Variants in RBM6 observed in about 807,000 individuals in gnomAD.
RBM6 encodes RNA binding motif protein 6, also known as RNA-binding protein 6.
RBM6 carries 23 observed loss-of-function variants against 140.4 expected under a neutral mutation model. The observed-to-expected ratio is 0.16, with a 90% CI of 0.12 to 0.23. The LOEUF is 0.23. Ranked by LOEUF, RBM6 falls within the 10% of genes least tolerant of loss-of-function variation. The pLI, the probability that RBM6 is intolerant of heterozygous loss-of-function variation, is 1.00. For missense variants in RBM6, 1,139 were observed against 1,386.7 expected, an observed-to-expected ratio of 0.82 and a Z score of 2.84; for synonymous variants, 439 against 475.6, an observed-to-expected ratio of 0.92 and a Z score of 1.00.
chr3:50,067,762 C>T (rs1244872367), intron 17 of RBM6, among the ~76,000 whole-genome samples: 1 of 152,214 alleles, frequency 6.6e-6, no homozygotes, highest in African/African-American at 2.4e-5. Context: ...TTTCACACCC[C>T]TTCTCTAGTA....
At chr3:49,957,785 C>T (rs1575543946) in intron 1 of RBM6, among the ~76,000 whole-genome samples, 2 of 150,944 alleles carry the variant, frequency 1.3e-5, no homozygotes, top group Non-Finnish European at 2.9e-5. Context: ...TGCAATAATG[C>T]TAGTTTTTAC....
At chr3:50,062,892 CTT>C (rs36101209) in intron 15 of RBM6, among the ~76,000 whole-genome samples, 79 of 128,440 alleles carry the variant, frequency 6.2e-4, no homozygotes, top group South Asian at 7.9e-4. Flanking sequence ...TTTCTTTTTC[CTT>C]TTTTTTTTTT....
At chr3:50,067,663 G>A (rs1325083081) in intron 17 of RBM6, among the ~76,000 whole-genome samples, 2 of 152,180 alleles carry the variant, frequency 1.3e-5, no homozygotes, top group African/African-American at 4.8e-5. Flanking sequence ...GTCTTCCCCT[G>A]TAGTATTCCC....
intron 3 of RBM6, among the ~76,000 whole-genome samples, chr3:49,970,641 A>G (rs1253875932): frequency 6.6e-6 from 1 of 152,194 alleles, no homozygotes; most frequent in Non-Finnish European, 1.5e-5. Flanking sequence ...AAACTTCTTG[A>G]ATATATGATT....
intron 6 of RBM6, among the ~76,000 whole-genome samples, chr3:50,010,799 A>G (rs972896169): frequency 1.4e-5 from 2 of 137,968 alleles, no homozygotes; most frequent in Non-Finnish European, 3.1e-5. Flanking sequence ...GCTACTCGGG[A>G]GGCTGAGGCA....
intron 6 of RBM6, among the ~76,000 whole-genome samples, chr3:50,021,797 G>T (rs2087504098): frequency 9.6e-6 from 1 of 103,764 alleles, no homozygotes. Context: ...TTGTTGCCCA[G>T]GCTGGAGTGT....
chr3:49,946,112 GAAT>G (rs1429811886), intron 1 of RBM6, among the ~76,000 whole-genome samples: 1 of 152,084 alleles, frequency 6.6e-6, no homozygotes, highest in Non-Finnish European at 1.5e-5. Flanking sequence ...AGAGCTGTGA[GAAT>G]AATTTCTGTG....
chr3:49,995,416 C>T (rs936197742), intron 5 of RBM6, among the ~76,000 whole-genome samples: 21 of 151,780 alleles, frequency 1.4e-4, no homozygotes, highest in African/African-American at 4.4e-4. Flanking sequence ...ATTAGCCGGG[C>T]GTGGTAGTCC....
intron 6 of RBM6, among the ~76,000 whole-genome samples, chr3:50,005,773 A>G (rs1292624213): frequency 6.6e-6 from 1 of 152,334 alleles, no homozygotes; most frequent in East Asian, 1.9e-4. Flanking sequence ...CCAGAGCTCA[A>G]CTGTATAACT....
chr3:50,019,406 T>G (rs1193604718), intron 6 of RBM6, among the ~76,000 whole-genome samples: 2 of 152,206 alleles, frequency 1.3e-5, no homozygotes, highest in East Asian at 3.9e-4. Flanking sequence ...TCCATATACC[T>G]TTTATGTCCT....
intron 2 of RBM6, among the ~76,000 whole-genome samples, chr3:49,965,539 G>A (rs2084469135): frequency 6.6e-6 from 1 of 152,142 alleles, no homozygotes; most frequent in Non-Finnish European, 1.5e-5. Context: ...GCGTGGTAGC[G>A]GGCGCCTGTA....
At chr3:49,964,463 G>C (rs1344376844) in intron 2 of RBM6, among the ~76,000 whole-genome samples, 10 of 152,156 alleles carry the variant, frequency 6.6e-5, no homozygotes, top group Non-Finnish European at 1.5e-5. Flanking sequence ...GCAAACTACA[G>C]CTGATAGCCT....
rs371621436 is a variant in RBM6 at position 49,943,821 on chromosome 3, G to A, written c.-67+3596G>A. Among the ~76,000 whole-genome samples, 21 of 152,148 alleles carry A rather than the reference G, an allele frequency of 1.4e-4. No homozygotes were observed. In the East Asian group the frequency reaches 2.3e-3, roughly 17 times the overall value. On this transcript the variant is annotated intron_variant, in intron 1 of 20. Coordinates refer to ENST00000266022, the MANE Select transcript of RBM6 (RefSeq NM_005777.3). ...TACTGTTTTCCTCAATGGCTGCATC[G>A]TTTTACATTCCCACCAGTAATACAC... is the stretch of plus-strand genomic sequence containing the variant.
chr3:50,077,112 T>A lies in RBM6; in HGVS notation c.3351T>A (p.Ala1117=), dbSNP rs2090487021. 6.2e-7 allele frequency: 1 copy of A among 1,612,648 alleles called. No individual in the cohort carries two copies. ...YRDAVRRVMF[A]RYKELD is the part of the protein sequence containing the mutation. ...ATGCTGTTCGAAGAGTCATGTTTGC[T>A]CGATATAAAGAACTCGATTAAGAAA... Residue 1117 remains alanine, a synonymous_variant, in exon 21 of 21, where the codon GCT becomes GCA. Coordinates refer to ENST00000266022, the MANE Select transcript of RBM6 (RefSeq NM_005777.3).
chr3:49,985,742 G>T (rs992948243), intron 5 of RBM6, among the ~76,000 whole-genome samples: 2 of 151,862 alleles, frequency 1.3e-5, no homozygotes, highest in African/African-American at 2.4e-5. Context: ...GAGTAGCTGG[G>T]ACTACAGGCG....
Position 50,058,392 on chromosome 3 carries a change from GT to G in RBM6, c.1970-8del, listed in dbSNP as rs1559641629. 6.2e-7 allele frequency: 1 copy of G among 1,603,918 alleles called. No individual in the cohort carries two copies. Among genetic ancestry groups the G allele is most frequent in the Non-Finnish European group, 8.5e-7 (1 of 1,170,876 alleles). ...TTGTGTTGCCCTTCTCCCATTTATGGTTGATTCAGCTATCATGCTAAAGCGT... is the reference window on the plus strand; with the variant it reads ...TTGTGTTGCCCTTCTCCCATTTATGGTGATTCAGCTATCATGCTAAAGCGT... On this transcript the variant is annotated splice_polypyrimidine_tract_variant and intron_variant, in intron 9 of 20. Coordinates refer to ENST00000266022, the MANE Select transcript of RBM6 (RefSeq NM_005777.3).
At chr3:50,022,872 G>A (rs1232985384) in intron 6 of RBM6, among the ~76,000 whole-genome samples, 7 of 152,082 alleles carry the variant, frequency 4.6e-5, no homozygotes. Context: ...GCTGAGGTGG[G>A]CTGATCACTT....
chr3:49,980,557 T>G (rs2085261017), intron 5 of RBM6, among the ~76,000 whole-genome samples: 2 of 151,474 alleles, frequency 1.3e-5, no homozygotes, highest in South Asian at 2.1e-4. Flanking sequence ...GTCAGGAGTT[T>G]GAGACCAGCC....
intron 6 of RBM6, among the ~76,000 whole-genome samples, chr3:50,001,438 G>A (rs1240774254): frequency 6.6e-6 from 1 of 152,196 alleles, no homozygotes; most frequent in Non-Finnish European, 1.5e-5. Flanking sequence ...GGGTGACAGA[G>A]TGAGACCCCG....
Sources: gnomAD v4.1 joint callset for allele counts (sites outside exome capture counted in the v4.1 genomes callset) on GRCh38, gnomAD v4.1.1 for gene constraint, MANE v1.5 for transcripts, NCBI Gene and HGNC (gene_info 2026-07-23, HGNC 2026-07-21) for gene names.